The following SIPA1L3 variants were observed in gnomAD, a reference collection of about 807,000 sequenced individuals.
SIPA1L3 encodes the protein signal induced proliferation associated 1 like 3.
SIPA1L3 carries 59 observed loss-of-function variants against 150.1 expected under a neutral mutation model. That is an observed-to-expected ratio of 0.39 (90% CI 0.32 to 0.49). The LOEUF (loss-of-function observed/expected upper bound fraction) is 0.49, where lower values mean the gene tolerates loss of function less well. Among genes scored for constraint, SIPA1L3 ranks in the 20% least tolerant of loss-of-function variants. The pLI is 0.86. For missense variants in SIPA1L3, 2,211 were observed against 2,489.5 expected (o/e 0.89, Z 2.38); for synonymous variants, 1,070 against 1,077.6 (o/e 0.99, Z 0.14).
At chr19:38,089,531 G>A (rs705505) in intron 4 of SIPA1L3, among the ~76,000 whole-genome samples, 27,407 of 151,974 alleles carry the variant, frequency 0.18, 2,827 homozygotes, top group African/African-American at 0.28. Flanking sequence ...GGTGTCCTAC[G>A]TAATGGAAAG....
chr19:38,049,094 G>T (rs545500140), intron 2 of SIPA1L3, among the ~76,000 whole-genome samples: 1 of 151,952 alleles, frequency 6.6e-6, no homozygotes, highest in Non-Finnish European at 1.5e-5. Context: ...AAAAAAAGCG[G>T]GGGGTGGACA....
At chr19:38,126,726 G>A (rs527721661) in intron 9 of SIPA1L3, among the ~76,000 whole-genome samples, 1 of 151,920 alleles carries the variant, frequency 6.6e-6, no homozygotes, top group South Asian at 2.1e-4. Context: ...AGTAGAGACG[G>A]GGTTTCACCA....
intron 3 of SIPA1L3, among the ~76,000 whole-genome samples, chr19:38,086,694 A>C (rs1431311791): frequency 1.3e-5 from 2 of 152,046 alleles, no homozygotes; most frequent in Admixed American, 6.6e-5. Flanking sequence ...AAAAACAAAA[A>C]CTCTTCAATA....
intron 1 of SIPA1L3, among the ~76,000 whole-genome samples, chr19:38,019,265 C>T (rs907609711): frequency 6.6e-6 from 1 of 152,206 alleles, no homozygotes; most frequent in Non-Finnish European, 1.5e-5. Flanking sequence ...GCTTCACAGT[C>T]ATCAAGAAAA....
chr19:38,126,750 G>A (rs71337549), intron 9 of SIPA1L3, among the ~76,000 whole-genome samples: 60,398 of 151,450 alleles, frequency 0.4, 12,471 homozygotes, highest in East Asian at 0.62. Context: ...TGCCCAGGCC[G>A]GTCTTGAACT....
intron 2 of SIPA1L3, among the ~76,000 whole-genome samples, chr19:38,044,777 T>C (rs139676831): frequency 1.3e-5 from 2 of 152,222 alleles, no homozygotes; most frequent in East Asian, 1.9e-4. Context: ...GTGTGTTCTA[T>C]GGACCTGGGC....
intron 16 of SIPA1L3, among the ~76,000 whole-genome samples, chr19:38,189,388 C>T (rs1972757997): frequency 6.6e-6 from 1 of 152,114 alleles, no homozygotes; most frequent in African/African-American, 2.4e-5. Context: ...ACTTACGCCT[C>T]CCAAAGTGCT....
chr19:38,063,980 A>G (rs948336413), intron 2 of SIPA1L3, among the ~76,000 whole-genome samples: 2 of 152,176 alleles, frequency 1.3e-5, no homozygotes, highest in Admixed American at 6.5e-5. Flanking sequence ...CACCAACAAC[A>G]GAGGCCTCTC....
intron 1 of SIPA1L3, among the ~76,000 whole-genome samples, chr19:37,925,097 A>G (rs143340709): frequency 1.3e-5 from 2 of 152,136 alleles, no homozygotes; most frequent in African/African-American, 2.4e-5. Flanking sequence ...TATGTGTTAC[A>G]TTGTCTTTTA....
At chr19:37,920,528 CCAGA>C (rs1186204543) in intron 1 of SIPA1L3, among the ~76,000 whole-genome samples, 2 of 152,014 alleles carry the variant, frequency 1.3e-5, no homozygotes. Context: ...ACTATTGAAG[CCAGA>C]CAATGAGGGC....
intron 1 of SIPA1L3, among the ~76,000 whole-genome samples, chr19:37,915,260 C>G (rs2046406129): frequency 6.6e-6 from 1 of 152,088 alleles, no homozygotes; most frequent in Non-Finnish European, 1.5e-5. Flanking sequence ...GGTTGCCATA[C>G]CAGGCACAGG....
At chr19:37,914,202 C>G (rs1402900633) in intron 1 of SIPA1L3, among the ~76,000 whole-genome samples, 1 of 152,022 alleles carries the variant, frequency 6.6e-6, no homozygotes, top group Non-Finnish European at 1.5e-5. Context: ...GTCATGTGAA[C>G]TGATACCTTA....
intron 15 of SIPA1L3, among the ~76,000 whole-genome samples, chr19:38,176,183 T>C (rs1261954717): frequency 6.6e-6 from 1 of 152,090 alleles, no homozygotes; most frequent in Non-Finnish European, 1.5e-5. Context: ...CTAATTTTTT[T>C]TTTTTTTCAA....
chr19:38,153,962 T>C (rs940349809), intron 13 of SIPA1L3, among the ~76,000 whole-genome samples: 7 of 151,976 alleles, frequency 4.6e-5, no homozygotes, highest in African/African-American at 1.7e-4. Flanking sequence ...GCCTACATGA[T>C]GAAGACACAG....
At chr19:37,958,428 AAC>A (rs1054553775) in intron 1 of SIPA1L3, among the ~76,000 whole-genome samples, 1 of 152,214 alleles carries the variant, frequency 6.6e-6, no homozygotes, top group African/African-American at 2.4e-5. Flanking sequence ...CCTGTCTGAA[AAC>A]AAAAAACAAA....
chr19:38,140,856 G>A (rs943244269), intron 10 of SIPA1L3, among the ~76,000 whole-genome samples: 14 of 151,900 alleles, frequency 9.2e-5, no homozygotes, highest in African/African-American at 1.9e-4. Context: ...TCAGGAGTTC[G>A]AGACCAGCCT....
rs565273154 is a variant in SIPA1L3 at position 37,992,607 on chromosome 19, C to T, written c.-378-36482C>T. On this transcript the variant is annotated intron_variant, in intron 1 of 21. Coordinates refer to ENST00000222345, the MANE Select transcript of SIPA1L3 (RefSeq NM_015073.3). ...TGGAGGTTACAGTGAGCTGAGATTG[C>T]GCCACTGTACTCCAGCCTGGGCAAC... 2.7e-5 allele frequency among the ~76,000 whole-genome samples: 4 copies of T among 150,608 alleles called. No homozygotes were observed. In the South Asian group the frequency reaches 6.3e-4, roughly 24 times the overall value.
rs539373568 is a variant in SIPA1L3 at position 38,026,710 on chromosome 19, C to T, written c.-378-2379C>T. On this transcript the variant is annotated intron_variant, in intron 1 of 21. Coordinates refer to ENST00000222345, the MANE Select transcript of SIPA1L3 (RefSeq NM_015073.3). ...GGTCTCGTTGAGGGGTTCTTAATCT[C>T]GGGTCCATGGACCTTTGAAGGATGG... 5.9e-5 allele frequency among the ~76,000 whole-genome samples: 9 copies of T among 152,244 alleles called. No individual in the cohort carries two copies. The South Asian group carries it at 1.9e-3, about 32-fold the overall frequency.
chr19:38,048,579 G>A (rs911238547), intron 2 of SIPA1L3, among the ~76,000 whole-genome samples: 10 of 152,154 alleles, frequency 6.6e-5, no homozygotes, highest in Non-Finnish European at 1.3e-4. Flanking sequence ...CTGTTGTCTA[G>A]TAGCTGAAAA....
Sources: gnomAD v4.1 joint callset for allele counts (sites outside exome capture counted in the v4.1 genomes callset) on GRCh38, gnomAD v4.1.1 for gene constraint, MANE v1.5 for transcripts, NCBI Gene and HGNC (gene_info 2026-07-23, HGNC 2026-07-21) for gene names.